Variants in LRRC3B observed in about 807,000 individuals in gnomAD.
LRRC3B encodes the protein leucine-rich repeat-containing protein 3B.
Under a neutral mutation model 12.8 loss-of-function variants are expected in LRRC3B, and 2 were observed. The ratio of observed to expected loss-of-function variants is 0.16; its 90% CI spans 0.06 to 0.49. The LOEUF is 0.49. Among genes scored for constraint, LRRC3B ranks in the 20% least tolerant of loss-of-function variants. The probability of loss-of-function intolerance (pLI) is 0.96; values close to 1 mark genes in which losing one functional copy is unlikely to be tolerated. For missense variants in LRRC3B, 189 were observed against 319.4 expected (o/e 0.59, Z 3.11); for synonymous variants, 132 against 122.0 (o/e 1.08, Z -0.54).
intron 1 of LRRC3B, among the ~76,000 whole-genome samples, chr3:26,686,818 C>T (rs1401514472): frequency 6.9e-6 from 1 of 143,944 alleles, no homozygotes; most frequent in Non-Finnish European, 1.5e-5. Flanking sequence ...CAGAACCAAC[C>T]ACAGCCTCAG....
chr3:26,673,970 TAAC>T (rs1699805900), intron 1 of LRRC3B, among the ~76,000 whole-genome samples: 1 of 151,616 alleles, frequency 6.6e-6, no homozygotes, highest in African/African-American at 2.4e-5. Context: ...AGATTGTAAA[TAAC>T]AAATAATAAA....
At chr3:26,698,630 T>G (rs74490414) in intron 1 of LRRC3B, among the ~76,000 whole-genome samples, 2,064 of 152,220 alleles carry the variant, frequency 0.014, 43 homozygotes, top group African/African-American at 0.047. Flanking sequence ...TCAGACAAGT[T>G]GAAAAATTGG....
At chr3:26,636,432 A>G (rs1362037136) in intron 1 of LRRC3B, among the ~76,000 whole-genome samples, 1 of 152,160 alleles carries the variant, frequency 6.6e-6, no homozygotes, top group Admixed American at 6.5e-5. Flanking sequence ...TTGAGAATGG[A>G]GAAGCAATTT....
chr3:26,653,320 A>T (rs141166858), intron 1 of LRRC3B, among the ~76,000 whole-genome samples: 1 of 152,144 alleles, frequency 6.6e-6, no homozygotes, highest in African/African-American at 2.4e-5. Flanking sequence ...GTACCTGAAC[A>T]GTTCCTCCAA....
chr3:26,664,906 T>C (rs1235847315), intron 1 of LRRC3B, among the ~76,000 whole-genome samples: 1 of 151,372 alleles, frequency 6.6e-6, no homozygotes, highest in Non-Finnish European at 1.5e-5. Flanking sequence ...TAATAAAATG[T>C]AGTTTGATGG....
exon 2 of LRRC3B, chr3:26,710,341 T>C: frequency 6.2e-7 from 1 of 1,614,054 alleles, no homozygotes; most frequent in Non-Finnish European, 8.5e-7. Context: ...ATGTGGTATA[T>C]TATGTGAGGC....
intron 1 of LRRC3B, among the ~76,000 whole-genome samples, chr3:26,635,830 T>C (rs1352258427): frequency 6.6e-6 from 1 of 152,208 alleles, no homozygotes; most frequent in Non-Finnish European, 1.5e-5. Context: ...GTTTAATGAA[T>C]CAATGAACAC....
chr3:26,690,291 C>T (rs1700164503), intron 1 of LRRC3B, among the ~76,000 whole-genome samples: 1 of 152,104 alleles, frequency 6.6e-6, no homozygotes, highest in African/African-American at 2.4e-5. Context: ...TTATCTTGTT[C>T]TGGAAATGGC....
At chr3:26,640,247 C>G (rs2125407222) in intron 1 of LRRC3B, among the ~76,000 whole-genome samples, 1 of 152,242 alleles carries the variant, frequency 6.6e-6, no homozygotes, top group South Asian at 2.1e-4. Flanking sequence ...GGTCCTCAAG[C>G]TGTGTTCTTC....
At chr3:26,642,525 G>A (rs764980089) in intron 1 of LRRC3B, among the ~76,000 whole-genome samples, 1 of 152,192 alleles carries the variant, frequency 6.6e-6, no homozygotes, top group Non-Finnish European at 1.5e-5. Context: ...AGAGAGCAGA[G>A]TCTCTGAGAA....
intron 1 of LRRC3B, among the ~76,000 whole-genome samples, chr3:26,690,400 C>T (rs758443033): frequency 1.3e-5 from 2 of 152,082 alleles, no homozygotes; most frequent in Non-Finnish European, 2.9e-5. Context: ...AGAATAAATG[C>T]GAGGTTGGAG....
intron 1 of LRRC3B, among the ~76,000 whole-genome samples, chr3:26,645,341 A>G (rs1699120529): frequency 6.6e-6 from 1 of 152,114 alleles, no homozygotes; most frequent in Non-Finnish European, 1.5e-5. Flanking sequence ...TCCCTCCACA[A>G]AGTAACTATG....
intron 1 of LRRC3B, among the ~76,000 whole-genome samples, chr3:26,667,383 A>C (rs1699628403): frequency 6.6e-6 from 1 of 152,184 alleles, no homozygotes; most frequent in Admixed American, 6.5e-5. Flanking sequence ...AGAGACCTGA[A>C]AAAAAATTGG....
chr3:26,683,780 C>A (rs1700018822), intron 1 of LRRC3B, among the ~76,000 whole-genome samples: 1 of 152,202 alleles, frequency 6.6e-6, no homozygotes, highest in Non-Finnish European at 1.5e-5. Flanking sequence ...GTCTACCTCC[C>A]CTAACCTCAT....
exon 2 of LRRC3B, chr3:26,709,804 G>T (rs112827286): frequency 8.1e-6 from 13 of 1,613,996 alleles, no homozygotes; most frequent in African/African-American, 6.7e-5. Flanking sequence ...CTTCCTCTGG[G>T]GGTTTAAATG....
intron 1 of LRRC3B, among the ~76,000 whole-genome samples, chr3:26,632,169 T>C (rs997004660): frequency 2.0e-5 from 3 of 152,200 alleles, no homozygotes; most frequent in Non-Finnish European, 4.4e-5. Flanking sequence ...GGTGAAACAA[T>C]TAATAACTTT....
At chr3:26,634,822 C>T (rs773209396) in intron 1 of LRRC3B, among the ~76,000 whole-genome samples, 4 of 152,152 alleles carry the variant, frequency 2.6e-5, no homozygotes, top group South Asian at 4.1e-4. Context: ...TTGGCTTTGA[C>T]GCTGCTGAGA....
At chr3:26,639,973 A>G (rs970486392) in intron 1 of LRRC3B, among the ~76,000 whole-genome samples, 1 of 152,106 alleles carries the variant, frequency 6.6e-6, no homozygotes, top group Non-Finnish European at 1.5e-5. Flanking sequence ...GAAGACAGGA[A>G]GTTAATGTCT....
At chr3:26,630,821 A>G (rs1698741799) in intron 1 of LRRC3B, among the ~76,000 whole-genome samples, 1 of 152,198 alleles carries the variant, frequency 6.6e-6, no homozygotes, top group South Asian at 2.1e-4. Flanking sequence ...GACAATGGTA[A>G]CCATAAAATT....
Sources: gnomAD v4.1 joint callset for allele counts (sites outside exome capture counted in the v4.1 genomes callset) on GRCh38, gnomAD v4.1.1 for gene constraint, MANE v1.5 for transcripts, NCBI Gene and HGNC (gene_info 2026-07-23, HGNC 2026-07-21) for gene names.